QRICH1: variants seen among roughly 807,000 people sequenced by gnomAD.
The protein encoded by QRICH1 is glutamine rich 1.
QRICH1 carries 16 observed loss-of-function variants against 87.1 expected under a neutral mutation model. That is an observed-to-expected ratio of 0.18 (90% confidence interval 0.12 to 0.28). QRICH1 has a LOEUF of 0.28. QRICH1 is among the 10% of genes least tolerant of loss of function. The probability of loss-of-function intolerance (pLI) is 1.00; values close to 1 mark genes in which losing one functional copy is unlikely to be tolerated. For missense variants in QRICH1, 647 were observed against 951.7 expected (o/e 0.68, Z 4.21); for synonymous variants, 367 against 368.4 (o/e 1.00, Z 0.05).
intron 4 of QRICH1, 51 bp from the exon 5 acceptor site, chr3:49,046,630 G>C: frequency 6.3e-7 from 1 of 1,591,198 alleles, no homozygotes; most frequent in Non-Finnish European, 8.6e-7. Flanking sequence ...TCCATATCTG[G>C]AAGGCTCAGA....
At chr3:49,093,803 A>C in intron 1 of QRICH1, 109 bp downstream of exon 1, 2 of 356,208 alleles carry the variant, frequency 5.6e-6, no homozygotes, top group East Asian at 4.1e-5. Flanking sequence ...CGAACTCTCC[A>C]GGGCCCAGCG....
rs764035907 is a variant in QRICH1, at chr3:49,032,774, C to G, written c.1896-1G>C. On this transcript the variant is annotated splice_acceptor_variant, in intron 7 of 9. Coordinates refer to ENST00000395443, the MANE Select transcript of QRICH1 (RefSeq NM_198880.3). LOFTEE classifies it high-confidence loss of function. ...GTCCACTGTCTTCAATAGGAAGTAC[C>G]TGGATCACAAGTAAAATGCAAGGCA... 6.2e-7 allele frequency: 1 copy of G among 1,603,076 alleles called. No individual in the cohort carries two copies. Among genetic ancestry groups the G allele is most frequent in the Non-Finnish European group, 8.5e-7 (1 of 1,176,438 alleles).
intron 2 of QRICH1, among the ~76,000 whole-genome samples, chr3:49,060,877 T>C (rs1223815331): frequency 6.6e-6 from 1 of 151,648 alleles, no homozygotes; most frequent in Non-Finnish European, 1.5e-5. Flanking sequence ...ACACCTGTAA[T>C]CCCAGTACTT....
intron 2 of QRICH1, among the ~76,000 whole-genome samples, chr3:49,072,975 G>C (rs2041872003): frequency 6.6e-6 from 1 of 152,012 alleles, no homozygotes; most frequent in African/African-American, 2.4e-5. Flanking sequence ...CCAGGAGGTA[G>C]AGGCTGCAGT....
chr3:49,062,843 T>C (rs1001160881), intron 2 of QRICH1, among the ~76,000 whole-genome samples: 1 of 151,612 alleles, frequency 6.6e-6, no homozygotes, highest in African/African-American at 2.4e-5. Context: ...CCATTTCTAT[T>C]AAAATAATTA....
In QRICH1 at chr3:49,038,307, C is replaced by T. The variant is rs369211795; in HGVS notation, c.1787-5079G>A. Among the ~76,000 whole-genome samples the T allele has an allele frequency of 2.2e-4, 33 of 152,104 alleles. No individual in the cohort carries two copies. The East Asian group carries it at 2.5e-3, about 12-fold the overall frequency. ...CGATCTCCTGAACTCATGATCCACC[C>T]GCTTCGGCCTCCCAAAGTGCTGGGA... On this transcript the variant is annotated intron_variant, in intron 6 of 9. Transcript: ENST00000395443.
intron 1 of QRICH1, chr3:49,092,515 T>C (rs1048403896): frequency 6.6e-6 from 1 of 152,132 alleles, no homozygotes; most frequent in Non-Finnish European, 1.5e-5. Flanking sequence ...ATTAATAATT[T>C]TAACTTTGTT....
chr3:49,082,442 T>C (rs1158066427), intron 1 of QRICH1, among the ~76,000 whole-genome samples: 4 of 152,130 alleles, frequency 2.6e-5, no homozygotes, highest in African/African-American at 4.8e-5. Context: ...ATAGTACCTT[T>C]AAAAAGTTAC....
intron 1 of QRICH1, among the ~76,000 whole-genome samples, chr3:49,087,842 A>AAAAAAAAAAAG (rs2042197828): frequency 6.7e-6 from 1 of 148,846 alleles, no homozygotes; most frequent in Admixed American, 6.7e-5. Context: ...AAAAAAAAGA[A>AAAAAAAAAAAG]CAATGTCTTC....
At chr3:49,033,051 AG>A in intron 7 of QRICH1, 68 bp downstream of exon 7, 1 of 1,206,618 alleles carries the variant, frequency 8.3e-7, no homozygotes. Flanking sequence ...GGAATTCAGA[AG>A]GCCTCTTGGA....
At chr3:49,042,866 C>A (rs1320837643) in intron 6 of QRICH1, among the ~76,000 whole-genome samples, 1 of 152,062 alleles carries the variant, frequency 6.6e-6, no homozygotes, top group Non-Finnish European at 1.5e-5. Flanking sequence ...AGCCACCATG[C>A]CTGGCCCAGA....
At chr3:49,069,667 A>G (rs183502264) in intron 2 of QRICH1, among the ~76,000 whole-genome samples, 1 of 151,216 alleles carries the variant, frequency 6.6e-6, no homozygotes, top group Admixed American at 6.7e-5. Flanking sequence ...TTTAGTACAG[A>G]CAAAGTCTCA....
intron 2 of QRICH1, among the ~76,000 whole-genome samples, chr3:49,059,020 G>A (rs528986663): frequency 6.0e-5 from 9 of 149,032 alleles, no homozygotes; most frequent in Non-Finnish European, 8.9e-5. Context: ...GGAGTGCAGT[G>A]GTGCCATCTC....
At chr3:49,068,924 C>G (rs1487328970) in intron 2 of QRICH1, among the ~76,000 whole-genome samples, 2 of 151,740 alleles carry the variant, frequency 1.3e-5, no homozygotes, top group African/African-American at 2.4e-5. Flanking sequence ...AGCAACCACA[C>G]CCGGCCAAAC....
intron 5 of QRICH1, among the ~76,000 whole-genome samples, chr3:49,044,967 G>C (rs913126084): frequency 6.6e-6 from 1 of 151,968 alleles, no homozygotes; most frequent in African/African-American, 2.4e-5. Context: ...CACCAAGAGA[G>C]GAAAAAACTA....
In QRICH1 at chr3:49,074,077, T is replaced by C. The variant is rs114772665; in HGVS notation, c.309+2632A>G. On this transcript the variant is annotated intron_variant, in intron 2 of 9. Coordinates refer to ENST00000395443, the MANE Select transcript of QRICH1 (RefSeq NM_198880.3). ...GATTACAGGCATTCACAAATGCACT[T>C]AGCCGTTTTGTGGTTTAGAAACAAC... Among the ~76,000 whole-genome samples the C allele has an allele frequency of 7.6e-3, 1,150 of 152,262 alleles. 9 individuals are homozygous for C. Among genetic ancestry groups the C allele is most frequent in the African/African-American group, 0.026 (1,096 of 41,564 alleles).
At chr3:49,039,112 T>G (rs2093294253) in intron 6 of QRICH1, among the ~76,000 whole-genome samples, 1 of 152,098 alleles carries the variant, frequency 6.6e-6, no homozygotes, top group African/African-American at 2.4e-5. Flanking sequence ...ATCCCAGCAC[T>G]TTAGGAGGCT....
chr3:49,037,890 T>G (rs1437521795), intron 6 of QRICH1, among the ~76,000 whole-genome samples: 1 of 151,954 alleles, frequency 6.6e-6, no homozygotes, highest in East Asian at 1.9e-4. Flanking sequence ...GAGGCAGAAT[T>G]GCTTGAACTT....
In QRICH1 at chr3:49,030,550, T is replaced by C. The variant is rs151027120; in HGVS notation, c.2233A>G (p.Ile745Val). 35 of 1,613,936 alleles carry C rather than the reference T, an allele frequency of 2.2e-5. No individual in the cohort carries two copies. The highest frequency in any genetic ancestry group is 2.8e-5 in the Non-Finnish European group (33 of 1,179,980). ...ATTTGTCCCATCTGCTCTCTGCTGA[T>C]AGGCTGGACTGAGTACCAGATTGGG... Reference protein sequence around the residue: ...NSPIWYSVQPISREQMGQMLT... With the variant: ...NSPIWYSVQPVSREQMGQMLT... Residue 745 changes from isoleucine (I) to valine (V), a missense_variant, in exon 10 of 10, where the codon ATC becomes GTC. Coordinates refer to ENST00000395443, the MANE Select transcript of QRICH1 (RefSeq NM_198880.3).
Sources: allele counts gnomAD v4.1 joint callset (sites outside exome capture counted in the v4.1 genomes callset), GRCh38; gene constraint gnomAD v4.1.1; transcripts MANE v1.5; gene names NCBI Gene and HGNC (gene_info 2026-07-23, HGNC 2026-07-21).